The following GREB1 variants were observed in gnomAD, a reference collection of about 807,000 sequenced individuals.
The protein encoded by GREB1 is growth regulating estrogen receptor binding 1, also known as protein GREB1.
A neutral mutation model predicts 200.7 loss-of-function variants in GREB1; 106 were observed. The observed-to-expected ratio is 0.53, with a 90% confidence interval of 0.45 to 0.62. GREB1 has a LOEUF of 0.62. Among genes scored for constraint, GREB1 ranks in the 20% least tolerant of loss-of-function variants. GREB1 has a pLI of 0.00. For synonymous variants in GREB1, 1,132 were observed against 1,092.4 expected (o/e 1.04, Z -0.72); for missense variants, 2,243 against 2,556.8 (o/e 0.88, Z 2.65).
At position 11,602,289 on chromosome 2, in the gene GREB1, A is replaced by C; in HGVS notation, c.2530-117A>C. ...TAAAATGCCATCCAAGCCACTGCAC[A>C]GTGGGCACGATTTGGATGAAGTTGC... On this transcript the variant is annotated intron_variant, in intron 16 of 32. Transcript: ENST00000381486. 3 of 823,646 alleles carry C rather than the reference A, an allele frequency of 3.6e-6. 1 individual carries two copies. In the South Asian group the frequency reaches 4.5e-5, roughly 12 times the overall value. 51.0% of individuals were successfully genotyped at this position (823,646 alleles called of 1,614,324 possible).
intron 1 of GREB1, among the ~76,000 whole-genome samples, chr2:11,535,359 C>G (rs1311554802): frequency 6.6e-6 from 1 of 151,838 alleles, no homozygotes; most frequent in Non-Finnish European, 1.5e-5. Flanking sequence ...CTTTTCATCA[C>G]TGTGGCTTAA....
intron 1 of GREB1, among the ~76,000 whole-genome samples, chr2:11,524,746 G>T (rs1232213990): frequency 6.6e-6 from 1 of 152,190 alleles, no homozygotes; most frequent in Admixed American, 6.5e-5. Flanking sequence ...GCCTGTGGCA[G>T]ACAACCCTGT....
At chr2:11,602,954 C>T (rs1184511863) in intron 17 of GREB1, among the ~76,000 whole-genome samples, 1 of 152,204 alleles carries the variant, frequency 6.6e-6, no homozygotes, top group Non-Finnish European at 1.5e-5. Flanking sequence ...ATGGACTTTA[C>T]TTTCATTATC....
At chr2:11,599,837 A>C (rs2148234690) in intron 15 of GREB1, among the ~76,000 whole-genome samples, 1 of 152,180 alleles carries the variant, frequency 6.6e-6, no homozygotes, top group East Asian at 1.9e-4. Flanking sequence ...GCCCTTCTTA[A>C]GGGGTGATTT....
intron 5 of GREB1, among the ~76,000 whole-genome samples, chr2:11,577,090 G>T (rs542238156): frequency 6.6e-5 from 10 of 152,258 alleles, no homozygotes; most frequent in African/African-American, 2.4e-4. Context: ...GGGCCAGAGT[G>T]TGCATTACCT....
At position 11,633,285 on chromosome 2, in the gene GREB1, G is replaced by A. The variant is rs141898179; in HGVS notation, c.4991+222G>A. ...AATTTTAAAAAATTGTTATTGGGCC[G>A]GGCGCGGTGGCTCATGCCTGTAATC... On this transcript the variant is annotated intron_variant, in intron 28 of 32. Transcript: ENST00000381486. The surrounding 1 kb of genome is among the most constrained non-coding windows in gnomAD (Gnocchi z 4.1). Among the ~76,000 whole-genome samples the A allele has an allele frequency of 5.8e-3, 880 of 152,204 alleles. 11 individuals carry two copies. The highest frequency in any genetic ancestry group is 0.02 in the African/African-American group (835 of 41,526).
Position 11,595,408 on chromosome 2 carries a change from G to T in GREB1, c.1825+29G>T, listed in dbSNP as rs762186994. Reference sequence around the variant, plus strand: ...GGCTTGTCGTGAGACAGGTGCACATGCGTATGTTAATAGGACAGTAATCAG... The same window carrying T: ...GGCTTGTCGTGAGACAGGTGCACATTCGTATGTTAATAGGACAGTAATCAG... On this transcript the variant is annotated intron_variant, in intron 12 of 32. Transcript: ENST00000381486. 3.7e-6 allele frequency: 6 copies of T among 1,606,438 alleles called. No individual in the cohort carries two copies. The South Asian group carries it at 6.6e-5, about 18-fold the overall frequency.
intron 1 of GREB1, among the ~76,000 whole-genome samples, chr2:11,508,873 C>CTTTT (rs1344798242): frequency 2.1e-4 from 29 of 139,572 alleles, no homozygotes; most frequent in Admixed American, 5.7e-4. Flanking sequence ...TTCTTTCTCT[C>CTTTT]TTTTTTTTTT....
chr2:11,595,179 A>G, intron 11 of GREB1, 72 bp from the exon 12 acceptor site: 2 of 1,374,752 alleles, frequency 1.5e-6, no homozygotes, highest in South Asian at 2.6e-5. Flanking sequence ...GGGTTAAGGG[A>G]CTAGTCTAGG....
chr2:11,483,587 C>T (rs538191821), intron 1 of GREB1, among the ~76,000 whole-genome samples: 2 of 151,940 alleles, frequency 1.3e-5, no homozygotes, highest in East Asian at 3.9e-4. Context: ...TTAGGGGCCC[C>T]TGCACTTGAA....
At chr2:11,582,905 G>A (rs1679656903) in intron 7 of GREB1, among the ~76,000 whole-genome samples, 2 of 152,216 alleles carry the variant, frequency 1.3e-5, no homozygotes, top group African/African-American at 4.8e-5. Flanking sequence ...CCTGGGGGCG[G>A]GGGTAGGAAA....
At chr2:11,534,743 A>G (rs928553205) in intron 1 of GREB1, among the ~76,000 whole-genome samples, 23 of 152,142 alleles carry the variant, frequency 1.5e-4, no homozygotes, top group Admixed American at 1.5e-3. Flanking sequence ...TCTTCTTCAC[A>G]TATACCTGGT....
In GREB1 at chr2:11,539,043, CTTCTCTTCTCTTCTCTTCT is replaced by C. The variant is rs1558512849; in HGVS notation, c.-162+4790_-162+4808del. 5.2e-5 allele frequency among the ~76,000 whole-genome samples: 7 copies of C among 135,574 alleles called. No homozygotes were observed. The East Asian group carries it at 6.5e-4, about 13-fold the overall frequency. The allele number at this position is 135,574 out of a possible 152,430, so 88.9% of individuals were successfully genotyped here. On this transcript the variant is annotated intron_variant, in intron 1 of 32. Coordinates refer to ENST00000381486, the MANE Select transcript of GREB1 (RefSeq NM_014668.4). The stretch of plus-strand genomic sequence containing the variant: ...CTTCTCTTCTCTTCTCTTCTCTTCT[CTTCTCTTCTCTTCTCTTCT>C]CTTCTCTTATGATAGGGTCTCACTT...
chr2:11,486,837 C>T lies in GREB1; in HGVS notation c.-159+4456C>T, dbSNP rs185020550. 8.7e-4 allele frequency among the ~76,000 whole-genome samples: 132 copies of T among 151,910 alleles called. 1 individual carries two copies. The highest frequency in any genetic ancestry group is 3.1e-3 in the African/African-American group (130 of 41,416). On this transcript the variant is annotated intron_variant, in intron 1 of 2. Transcript: ENST00000628795. Reference sequence around the variant, plus strand: ...GAGCTGAGATCACGCCATTGTACTCCAGCCTGGGCAACGAGATCGAAACTC... The same window carrying T: ...GAGCTGAGATCACGCCATTGTACTCTAGCCTGGGCAACGAGATCGAAACTC...
At chr2:11,591,935 TGACAATCA>T in intron 10 of GREB1, 1 of 886,640 alleles carries the variant, frequency 1.1e-6, no homozygotes, top group Non-Finnish European at 1.4e-6. Context: ...AAGTTTATAC[TGACAATCA>T]TTGCAGCTAT....
intron 32 of GREB1, among the ~76,000 whole-genome samples, chr2:11,639,208 G>A (rs1329341045): frequency 2.6e-5 from 4 of 152,170 alleles, no homozygotes; most frequent in Non-Finnish European, 5.9e-5. Context: ...TCGTGCCTCA[G>A]CCTCCCGAGT....
At chr2:11,562,702 G>T (rs1677199625) in intron 3 of GREB1, 120 bp downstream of exon 3, 11 of 1,241,568 alleles carry the variant, frequency 8.9e-6, no homozygotes, top group Non-Finnish European at 1.1e-5. Context: ...CTTCCTCTTT[G>T]CTTTCCCTGA....
At chr2:11,584,989 A>G (rs769840618) in intron 7 of GREB1, 172 bp from the exon 8 acceptor site, 3 of 494,632 alleles carry the variant, frequency 6.1e-6, no homozygotes, top group Non-Finnish European at 1.1e-5. Flanking sequence ...ATTTACAAAA[A>G]TTGACATTTC....
At chr2:11,634,407 G>A in intron 29 of GREB1, 58 bp downstream of exon 29, 3 of 1,392,862 alleles carry the variant, frequency 2.2e-6, no homozygotes, top group East Asian at 2.4e-5. Flanking sequence ...AGAGTCCTGA[G>A]TGAGGGCAGC....
Sources: allele counts gnomAD v4.1 joint callset (sites outside exome capture counted in the v4.1 genomes callset), GRCh38; gene constraint gnomAD v4.1.1; non-coding constraint Gnocchi (gnomAD v3.1); transcripts MANE v1.5; gene names NCBI Gene and HGNC (gene_info 2026-07-23, HGNC 2026-07-21).